CUL3: variants seen among roughly 807,000 people sequenced by gnomAD.
The protein encoded by CUL3 is cullin-3.
Under a neutral mutation model 89.1 loss-of-function variants are expected in CUL3, and 19 were observed. The ratio of observed to expected loss-of-function variants is 0.21; its 90% CI spans 0.15 to 0.31. The LOEUF is 0.31. Ranked by LOEUF, CUL3 falls within the 10% of genes least tolerant of loss-of-function variation. The pLI is 1.00. For synonymous variants in CUL3, 351 were observed against 308.4 expected (o/e 1.14, Z -1.45); for missense variants, 469 against 942.3 (o/e 0.50, Z 6.58).
intron 9 of CUL3, 131 bp from the exon 10 acceptor site, chr2:224,503,203 T>C: frequency 1.5e-6 from 1 of 689,096 alleles, no homozygotes; most frequent in Non-Finnish European, 2.5e-6. Flanking sequence ...CAACAGTTGC[T>C]CTGTGCCTGT....
chr2:224,547,364 G>C (rs916076510), intron 2 of CUL3, among the ~76,000 whole-genome samples: 1 of 151,822 alleles, frequency 6.6e-6, no homozygotes, highest in Non-Finnish European at 1.5e-5. Context: ...ATCTCACTAC[G>C]CTCATACCTA....
At chr2:224,564,317 A>C (rs534625604) in intron 1 of CUL3, among the ~76,000 whole-genome samples, 30 of 152,264 alleles carry the variant, frequency 2.0e-4, no homozygotes, top group African/African-American at 5.8e-4. Flanking sequence ...TCTATCCACG[A>C]AACTGTGGAG....
intron 2 of CUL3, among the ~76,000 whole-genome samples, chr2:224,556,705 T>A (rs1422036783): frequency 6.6e-6 from 1 of 152,186 alleles, no homozygotes; most frequent in African/African-American, 2.4e-5. Flanking sequence ...ATTTTGATCA[T>A]TGTTCTTTGG....
chr2:224,542,577 G>A (rs540849849), intron 2 of CUL3, among the ~76,000 whole-genome samples: 61 of 152,132 alleles, frequency 4.0e-4, no homozygotes, highest in African/African-American at 1.1e-3. Flanking sequence ...GTGTGCGCGC[G>A]CGCATGCGTG....
rs115462572 is a variant in CUL3, at chr2:224,501,698, G to A, written c.1486-1211C>T. On this transcript the variant is annotated intron_variant, in intron 10 of 15. Transcript: ENST00000264414. ...ATGCACAGAAGAGAGGATCATAGAG[G>A]AGACTCTTAGATGGTGTACTGGGGG... Among the ~76,000 whole-genome samples, 279 of 152,236 alleles carry A rather than the reference G, an allele frequency of 1.8e-3. 3 individuals carry two copies. The highest frequency in any genetic ancestry group is 6.4e-3 in the African/African-American group (267 of 41,550).
intron 3 of CUL3, among the ~76,000 whole-genome samples, chr2:224,528,494 C>G (rs1403117287): frequency 2.6e-5 from 4 of 152,118 alleles, no homozygotes; most frequent in Admixed American, 2.6e-4. Context: ...AGGCAATATT[C>G]CCAGGTTTCA....
In CUL3 at chr2:224,470,715, G is replaced by C. The variant is rs934605106; in HGVS notation, c.*3530C>G. ...CAGAATAGCAGCAATCACCTTCCCT[G>C]TTTTCCTTCCTACCAAAAGTTGGTA... On this transcript the variant is annotated 3_prime_UTR_variant, in exon 16 of 16. Transcript: ENST00000264414. The C allele has an allele frequency of 1.6e-4, 37 of 227,160 alleles. No homozygotes were observed. The East Asian group carries it at 2.2e-3, about 14-fold the overall frequency. The allele number at this position is 227,160 out of a possible 1,614,324, so 14.1% of individuals were successfully genotyped here.
chr2:224,521,384 G>A (rs1455318577), intron 3 of CUL3, among the ~76,000 whole-genome samples: 1 of 151,798 alleles, frequency 6.6e-6, no homozygotes, highest in Non-Finnish European at 1.5e-5. Context: ...CAAAGTTTAA[G>A]GGAGCTTTTA....
chr2:224,544,223 C>A (rs577213658), intron 2 of CUL3, among the ~76,000 whole-genome samples: 1 of 152,248 alleles, frequency 6.6e-6, no homozygotes, highest in Non-Finnish European at 1.5e-5. Context: ...TTCATTTCCC[C>A]TTATTAAATA....
At chr2:224,536,319 G>A (rs983671243) in intron 2 of CUL3, among the ~76,000 whole-genome samples, 8 of 152,032 alleles carry the variant, frequency 5.3e-5, no homozygotes, top group South Asian at 2.1e-4. Context: ...CACATGGCTC[G>A]TCCCACTCAC....
intron 1 of CUL3, among the ~76,000 whole-genome samples, chr2:224,581,385 G>C (rs1285125753): frequency 7.0e-6 from 1 of 142,922 alleles, no homozygotes; most frequent in Non-Finnish European, 1.5e-5. Context: ...GACAGAGCGA[G>C]TTTCCATCTC....
intron 1 of CUL3, among the ~76,000 whole-genome samples, chr2:224,570,154 AT>A (rs895394865): frequency 6.6e-5 from 10 of 152,294 alleles, no homozygotes; most frequent in African/African-American, 2.2e-4. Flanking sequence ...TTAAAAAAAA[AT>A]GATCTGAATA....
chr2:224,539,897 C>T (rs1694033145), intron 2 of CUL3, among the ~76,000 whole-genome samples: 1 of 151,986 alleles, frequency 6.6e-6, no homozygotes, highest in Non-Finnish European at 1.5e-5. Flanking sequence ...CAAAAGTGAG[C>T]CCTCATGTAA....
At chr2:224,500,126 C>T (rs1692321904) in intron 11 of CUL3, 1 of 384,860 alleles carries the variant, frequency 2.6e-6, no homozygotes, top group Non-Finnish European at 4.8e-6. Context: ...AAATAAAAGG[C>T]ATTTCAAATG....
rs868308694 is a variant in CUL3, at chr2:224,470,446, C to A, written c.*3799G>T. ...TTCAAGACATCCTAGTTGTTTTTCT[C>A]CTGAGAGCTGGCGTAATGGCCAATC... On this transcript the variant is annotated 3_prime_UTR_variant, in exon 16 of 16. Transcript: ENST00000264414. The A allele has an allele frequency of 4.3e-6, 1 of 230,754 alleles. No individual in the cohort carries two copies. The highest frequency in any genetic ancestry group is 8.6e-6 in the Non-Finnish European group (1 of 116,708). 14.3% of individuals were successfully genotyped at this position (230,754 alleles called of 1,614,324 possible).
At chr2:224,476,973 T>C (rs908691924) in intron 15 of CUL3, among the ~76,000 whole-genome samples, 1 of 152,212 alleles carries the variant, frequency 6.6e-6, no homozygotes, top group Non-Finnish European at 1.5e-5. Flanking sequence ...GCACTACCAC[T>C]GGATATCCAC....
chr2:224,583,435 G>A (rs956402428), intron 1 of CUL3, among the ~76,000 whole-genome samples: 3 of 152,126 alleles, frequency 2.0e-5, no homozygotes, highest in Non-Finnish European at 2.9e-5. Flanking sequence ...CTCTAAAGTG[G>A]TCAGAATTTA....
At position 224,514,725 on chromosome 2, in the gene CUL3, C is replaced by T; in HGVS notation, c.426G>A (p.Leu142=). 1 of 1,613,224 alleles carries T rather than the reference C, an allele frequency of 6.2e-7. No homozygotes were observed. The highest frequency in any genetic ancestry group is 1.1e-5 in the South Asian group (1 of 91,050). The part of the protein sequence containing the change: ...QQNNVENVYN[L]GLIIFRDQVV... ...CTTGATCTCGAAAAATAATTAATCC[C>T]AAATTGTAGACGTTCTCCACATTAT... Residue 142 remains leucine, a synonymous_variant, in exon 4 of 16, where the codon TTG becomes TTA. Coordinates refer to ENST00000264414, the MANE Select transcript of CUL3 (RefSeq NM_003590.5).
chr2:224,527,443 G>A (rs927314569), intron 3 of CUL3, among the ~76,000 whole-genome samples: 1 of 152,122 alleles, frequency 6.6e-6, no homozygotes, highest in African/African-American at 2.4e-5. Flanking sequence ...GGTAGCTTTA[G>A]CAAATAGCGT....
Sources: gnomAD v4.1 joint callset for allele counts (sites outside exome capture counted in the v4.1 genomes callset) on GRCh38, gnomAD v4.1.1 for gene constraint, MANE v1.5 for transcripts, NCBI Gene and HGNC (gene_info 2026-07-23, HGNC 2026-07-21) for gene names.